The following ZNRF3 variants were observed in gnomAD, a reference collection of about 807,000 sequenced individuals.
The protein encoded by ZNRF3 is zinc and ring finger 3, also known as E3 ubiquitin-protein ligase ZNRF3.
A neutral mutation model predicts 72.5 loss-of-function variants in ZNRF3; 23 were observed. The ratio of observed to expected loss-of-function variants is 0.32; its 90% CI spans 0.23 to 0.45. ZNRF3 has a LOEUF of 0.45. ZNRF3 is among the 20% of genes least tolerant of loss of function. The pLI is 1.00. For missense variants in ZNRF3, 1,169 were observed against 1,272.1 expected (o/e 0.92, Z 1.23); for synonymous variants, 610 against 545.3 (o/e 1.12, Z -1.65).
At chr22:29,052,851 C>T (rs2037232669) in intron 8 of ZNRF3, among the ~76,000 whole-genome samples, 1 of 151,932 alleles carries the variant, frequency 6.6e-6, no homozygotes, top group Admixed American at 6.6e-5. Context: ...ATTAGCTGGG[C>T]ACGGTGACAC....
chr22:28,995,778 T>C (rs374240103), intron 2 of ZNRF3, among the ~76,000 whole-genome samples: 1 of 138,918 alleles, frequency 7.2e-6, no homozygotes, highest in African/African-American at 2.6e-5. Flanking sequence ...CAAAACTGCC[T>C]TTTTTTTTTT....
intron 1 of ZNRF3, among the ~76,000 whole-genome samples, chr22:28,959,154 T>G (rs1184804243): frequency 6.6e-6 from 1 of 152,206 alleles, no homozygotes; most frequent in Admixed American, 6.6e-5. Context: ...AGGCCATTTT[T>G]CTTGGAGGAA....
intron 2 of ZNRF3, among the ~76,000 whole-genome samples, chr22:28,996,760 A>T (rs1428148372): frequency 6.6e-6 from 1 of 152,218 alleles, no homozygotes; most frequent in Non-Finnish European, 1.5e-5. Flanking sequence ...AATTTGAAGA[A>T]CCTCAGCGAA....
intron 1 of ZNRF3, among the ~76,000 whole-genome samples, chr22:28,979,959 G>C (rs1282103554): frequency 6.6e-6 from 1 of 152,222 alleles, no homozygotes; most frequent in Non-Finnish European, 1.5e-5. Flanking sequence ...GAAGGGCAAA[G>C]CATTCAAGGC....
chr22:28,989,436 T>A (rs2035915385), intron 2 of ZNRF3, among the ~76,000 whole-genome samples: 3 of 152,162 alleles, frequency 2.0e-5, no homozygotes, highest in South Asian at 4.1e-4. Flanking sequence ...TTTCATTAAC[T>A]TTGACAACTG....
chr22:29,027,303 C>T (rs2036655683), intron 2 of ZNRF3, among the ~76,000 whole-genome samples: 4 of 152,004 alleles, frequency 2.6e-5, no homozygotes, highest in Admixed American at 2.6e-4. Context: ...GGCTGGAGTG[C>T]AATGGCGCGA....
intron 1 of ZNRF3, among the ~76,000 whole-genome samples, chr22:28,926,341 TTTGA>T (rs1375039815): frequency 1.3e-5 from 2 of 152,122 alleles, no homozygotes; most frequent in South Asian, 2.1e-4. Flanking sequence ...ATTTTGTTTC[TTTGA>T]TTGATTGATT....
chr22:28,931,739 C>A (rs903550504), intron 1 of ZNRF3, among the ~76,000 whole-genome samples: 7 of 152,228 alleles, frequency 4.6e-5, no homozygotes, highest in Admixed American at 2.0e-4. Context: ...AAGACAAAAA[C>A]CCCTGCCCTG....
intron 1 of ZNRF3, among the ~76,000 whole-genome samples, chr22:28,973,663 C>T (rs1182250890): frequency 2.0e-5 from 3 of 152,178 alleles, no homozygotes; most frequent in Non-Finnish European, 4.4e-5. Flanking sequence ...TCGCTCTTAA[C>T]ACTGTGTTGA....
intron 1 of ZNRF3, among the ~76,000 whole-genome samples, chr22:28,896,452 CAG>C (rs1005746017): frequency 1.3e-5 from 2 of 152,120 alleles, no homozygotes; most frequent in Admixed American, 6.5e-5. Context: ...TTAGTAGAGA[CAG>C]GGTTTCGCCA....
In ZNRF3 at chr22:28,909,269, G is replaced by A. The variant is rs118006869; in HGVS notation, c.300+25203G>A. Among the ~76,000 whole-genome samples the A allele has an allele frequency of 7.4e-4, 113 of 152,198 alleles. No homozygotes were observed. In the East Asian group the frequency reaches 0.013, roughly 17 times the overall value. On this transcript the variant is annotated intron_variant, in intron 1 of 8. Coordinates refer to ENST00000544604, the MANE Select transcript of ZNRF3 (RefSeq NM_001206998.2). ...TTGAGCCACTTTTTAGAGCTTTGAA[G>A]CTCTTCCTGATTTTAACTATTGCTA...
At chr22:29,012,857 G>T (rs568732539) in intron 2 of ZNRF3, among the ~76,000 whole-genome samples, 1 of 152,186 alleles carries the variant, frequency 6.6e-6, no homozygotes, top group Non-Finnish European at 1.5e-5. Context: ...TCTGTGATCT[G>T]GTTGGTACCC....
chr22:28,912,258 T>G (rs2034331531), intron 1 of ZNRF3, among the ~76,000 whole-genome samples: 2 of 152,196 alleles, frequency 1.3e-5, no homozygotes, highest in African/African-American at 2.4e-5. Context: ...CTTTTTTATT[T>G]AGGGCAAGAG....
chr22:28,940,497 T>C (rs1009293455), intron 1 of ZNRF3, among the ~76,000 whole-genome samples: 3 of 23,748 alleles, frequency 1.3e-4, no homozygotes, highest in African/African-American at 2.3e-4. Context: ...AGGTTTCTGC[T>C]TTTTTTTTTT....
chr22:28,914,111 A>G (rs952233037), intron 1 of ZNRF3, among the ~76,000 whole-genome samples: 7 of 152,196 alleles, frequency 4.6e-5, no homozygotes, highest in African/African-American at 1.2e-4. Context: ...GACCCAAAGT[A>G]CTGGGGAACA....
At chr22:28,899,306 T>C (rs2034060945) in intron 1 of ZNRF3, among the ~76,000 whole-genome samples, 2 of 152,364 alleles carry the variant, frequency 1.3e-5, no homozygotes, top group South Asian at 2.1e-4. Context: ...CAACATTGCA[T>C]CACTGTAAGT....
chr22:28,913,054 A>G (rs1485912171), intron 1 of ZNRF3, among the ~76,000 whole-genome samples: 1 of 152,196 alleles, frequency 6.6e-6, no homozygotes, highest in African/African-American at 2.4e-5. Context: ...TTTTTAGAAC[A>G]TTGGGTACAC....
chr22:29,008,286 A>G (rs1366892685), intron 2 of ZNRF3, among the ~76,000 whole-genome samples: 1 of 152,186 alleles, frequency 6.6e-6, no homozygotes, highest in Non-Finnish European at 1.5e-5. Flanking sequence ...ATTTCAGAGC[A>G]CTGGGCCATG....
intron 1 of ZNRF3, among the ~76,000 whole-genome samples, chr22:28,951,453 C>G (rs528227303): frequency 1.3e-3 from 202 of 152,224 alleles, no homozygotes; most frequent in African/African-American, 4.6e-3. Flanking sequence ...GGTGATGATT[C>G]CACAAGCCAA....
Sources: allele counts gnomAD v4.1 joint callset (sites outside exome capture counted in the v4.1 genomes callset), GRCh38; gene constraint gnomAD v4.1.1; transcripts MANE v1.5; gene names NCBI Gene and HGNC (gene_info 2026-07-23, HGNC 2026-07-21).